The following BEND4 variants were observed in gnomAD, a reference collection of about 807,000 sequenced individuals.
BEND4 encodes BEN domain containing 4, also known as BEN domain-containing protein 4.
BEND4 carries 27 observed loss-of-function variants against 54.7 expected under a neutral mutation model. The ratio of observed to expected loss-of-function variants is 0.49; its 90% CI spans 0.36 to 0.68. The LOEUF (loss-of-function observed/expected upper bound fraction) is 0.68, where lower values mean the gene tolerates loss of function less well. Among genes scored for constraint, BEND4 ranks in the 30% least tolerant of loss-of-function variants. BEND4 has a pLI of 0.00. For missense variants in BEND4, 702 were observed against 697.2 expected (o/e 1.01, Z -0.08); for synonymous variants, 327 against 299.5 (o/e 1.09, Z -0.95).
chr4:42,125,506 T>TGGTA (rs1011423925), intron 4 of BEND4, 77 bp downstream of exon 4: 11 of 1,107,956 alleles, frequency 9.9e-6, no homozygotes, highest in Non-Finnish European at 1.5e-5. Context: ...CAGTCTGTTC[T>TGGTA]GGTATACACT....
At chr4:42,149,492 G>A (rs561340532) in intron 2 of BEND4, among the ~76,000 whole-genome samples, 8 of 152,166 alleles carry the variant, frequency 5.3e-5, no homozygotes, top group African/African-American at 1.2e-4. Flanking sequence ...GAGGGATCCA[G>A]CCCTTGGTGC....
At chr4:42,118,088 A>G (rs16854027) in intron 5 of BEND4, among the ~76,000 whole-genome samples, 10,888 of 152,252 alleles carry the variant, frequency 0.072, 970 homozygotes, top group African/African-American at 0.21. Flanking sequence ...TTACCTGCTC[A>G]CATTTTGAGA....
chr4:42,151,986 C>G lies in BEND4; in HGVS notation c.158G>C (p.Arg53Pro), dbSNP rs1721313433. The G allele has an allele frequency of 1.6e-6, 2 of 1,253,976 alleles. No individual in the cohort carries two copies. Among genetic ancestry groups the G allele is most frequent in the Non-Finnish European group, 2.0e-6 (2 of 995,032 alleles). The allele number at this position is 1,253,976 out of a possible 1,614,324, so 77.7% of individuals were successfully genotyped here. Residue 53 changes from arginine to proline, a missense_variant, in exon 2 of 6, where the codon CGG becomes CCG. Coordinates refer to ENST00000502486, the MANE Select transcript of BEND4 (RefSeq NM_207406.4). ...GGGCGGCGGGGGCGGCGGGGGCGCCCGCACGTGCGGCAGCTCCACCAGGGT... is the reference window on the plus strand; with the variant it reads ...GGGCGGCGGGGGCGGCGGGGGCGCCGGCACGTGCGGCAGCTCCACCAGGGT... The part of the protein sequence containing the change: ...RPTLVELPHV[R>P]APPPPPPPFA...
In BEND4 at chr4:42,114,636, T is replaced by A. The variant is rs1490106799; in HGVS notation, c.*2882A>T. 1 of 152,120 alleles carries A rather than the reference T, an allele frequency of 6.6e-6. No homozygotes were observed. The highest frequency in any genetic ancestry group is 1.5e-5 in the Non-Finnish European group (1 of 68,024). The allele number at this position is 152,120 out of a possible 1,614,324, so 9.4% of individuals were successfully genotyped here. A position where few individuals can be genotyped will look rare whatever the true frequency, so the allele number is the denominator to read the frequency against. ...CAAAATAATAAGCAACACCTTCAAG[T>A]CTCCAAGGATTTCAACTGAAAGGCT... On this transcript the variant is annotated 3_prime_UTR_variant, in exon 6 of 6. Coordinates refer to ENST00000502486, the MANE Select transcript of BEND4 (RefSeq NM_207406.4).
At chr4:42,150,357 A>C (rs1344141889) in intron 2 of BEND4, among the ~76,000 whole-genome samples, 3 of 125,264 alleles carry the variant, frequency 2.4e-5, no homozygotes, top group African/African-American at 1.4e-4. Context: ...CACTGAAAGC[A>C]ATCAAACATC....
At position 42,117,297 on chromosome 4, in the gene BEND4, T is replaced by C. The variant is rs756792921; in HGVS notation, c.*221A>G. 2.4e-5 allele frequency: 11 copies of C among 461,326 alleles called. No homozygotes were observed. The highest frequency in any genetic ancestry group is 4.2e-5 in the Non-Finnish European group (11 of 264,210). 28.6% of individuals were successfully genotyped at this position (461,326 alleles called of 1,614,324 possible). On this transcript the variant is annotated 3_prime_UTR_variant, in exon 6 of 6. Coordinates refer to ENST00000502486, the MANE Select transcript of BEND4 (RefSeq NM_207406.4). ...CTAGTAATCATTTAAAAATCAGATGTAGTTTTTTCTTTTTATAATATAATA... is the reference window on the plus strand; with the variant it reads ...CTAGTAATCATTTAAAAATCAGATGCAGTTTTTTCTTTTTATAATATAATA...
chr4:42,138,074 T>C (rs1025615868), intron 3 of BEND4, among the ~76,000 whole-genome samples: 5 of 152,164 alleles, frequency 3.3e-5, no homozygotes, highest in Admixed American at 3.3e-4. Flanking sequence ...CCAGCAAAAC[T>C]TCTCCTGGAC....
intron 3 of BEND4, among the ~76,000 whole-genome samples, chr4:42,127,164 A>T (rs918735107): frequency 1.2e-4 from 19 of 152,248 alleles, no homozygotes; most frequent in African/African-American, 4.6e-4. Context: ...ACAATGTAAC[A>T]TAATAAATCA....
At chr4:42,147,886 T>C (rs1721132841) in intron 2 of BEND4, among the ~76,000 whole-genome samples, 1 of 152,118 alleles carries the variant, frequency 6.6e-6, no homozygotes, top group Non-Finnish European at 1.5e-5. Context: ...CCGCCCCTCT[T>C]TGTAAGTAAA....
intron 4 of BEND4, 45 bp from the exon 5 acceptor site, chr4:42,120,339 C>G (rs372953173): frequency 1.3e-6 from 2 of 1,578,812 alleles, no homozygotes; most frequent in African/African-American, 1.4e-5. Context: ...AGCCAGCCAG[C>G]CAGAAGCAGA....
At chr4:42,150,480 T>C (rs1286540514) in intron 2 of BEND4, among the ~76,000 whole-genome samples, 1 of 152,234 alleles carries the variant, frequency 6.6e-6, no homozygotes, top group Non-Finnish European at 1.5e-5. Flanking sequence ...AACAGAATTA[T>C]TACTGGAGGC....
intron 2 of BEND4, among the ~76,000 whole-genome samples, chr4:42,145,457 G>T (rs933005317): frequency 1.3e-4 from 20 of 152,130 alleles, no homozygotes; most frequent in African/African-American, 4.6e-4. Context: ...CACTTTGGGA[G>T]GCCAAGGTGG....
intron 3 of BEND4, among the ~76,000 whole-genome samples, chr4:42,134,460 T>C (rs1313055110): frequency 6.6e-6 from 1 of 152,194 alleles, no homozygotes; most frequent in East Asian, 1.9e-4. Flanking sequence ...AGATGCATTG[T>C]TATATTTTTG....
Position 42,123,697 on chromosome 4 carries a change from A to AAAAAAAAC in BEND4, c.1146+1885_1146+1886insGTTTTTTT, listed in dbSNP as rs1553921971. On this transcript the variant is annotated intron_variant, in intron 4 of 5. Transcript: ENST00000502486. Reference sequence around the variant, plus strand: ...TTTACTTTGGATCTGTAATTCAGAAAAAAAAAAAAAAAAAAAAAAACAACT... The same window carrying AAAAAAAAC: ...TTTACTTTGGATCTGTAATTCAGAAAAAAAAAACAAAAAAAAAAAAAAAAAAAACAACT... Among the ~76,000 whole-genome samples the AAAAAAAAC allele has an allele frequency of 4.1e-3, 591 of 145,238 alleles. 8 individuals carry two copies. The highest frequency in any genetic ancestry group is 0.015 in the African/African-American group (573 of 37,102).
Position 42,151,881 on chromosome 4 carries a change from G to C in BEND4, c.263C>G (p.Pro88Arg), listed in dbSNP as rs1015497117. ...GGCGGCGGCGGCCCGGCCGGGCCCGGGGGGGTAGGAGCTCTGCGCCTGGAA... is the reference window on the plus strand; with the variant it reads ...GGCGGCGGCGGCCCGGCCGGGCCCGCGGGGGTAGGAGCTCTGCGCCTGGAA... ...QQFQAQSSYPPGPGRAAAAAS... is the reference protein window; with the variant it reads ...QQFQAQSSYPRGPGRAAAAAS... Residue 88 changes from proline (P) to arginine (R), a missense_variant, in exon 2 of 6, where the codon CCC (proline) becomes CGC (arginine). Transcript: ENST00000502486. 1.1e-5 allele frequency: 14 copies of C among 1,306,706 alleles called. No individual in the cohort carries two copies. The highest frequency in any genetic ancestry group is 6.2e-5 in the African/African-American group (4 of 64,368). 80.9% of individuals were successfully genotyped at this position (1,306,706 alleles called of 1,614,324 possible).
At chr4:42,134,290 C>T (rs1432838799) in intron 3 of BEND4, among the ~76,000 whole-genome samples, 4 of 152,220 alleles carry the variant, frequency 2.6e-5, no homozygotes, top group Admixed American at 2.6e-4. Flanking sequence ...TCCACATACA[C>T]TTTCATAGGG....
At chr4:42,118,272 T>C (rs952057522) in intron 5 of BEND4, among the ~76,000 whole-genome samples, 1 of 152,240 alleles carries the variant, frequency 6.6e-6, no homozygotes, top group Non-Finnish European at 1.5e-5. Flanking sequence ...TAGCTATACT[T>C]ATTTCTGAAA....
intron 3 of BEND4, among the ~76,000 whole-genome samples, chr4:42,128,595 G>C (rs1358581638): frequency 6.6e-6 from 1 of 151,736 alleles, no homozygotes; most frequent in Non-Finnish European, 1.5e-5. Context: ...CTGCACTCCA[G>C]CCTAGGCGAC....
chr4:42,139,116 T>C (rs1201604554), intron 3 of BEND4, among the ~76,000 whole-genome samples: 2 of 152,210 alleles, frequency 1.3e-5, no homozygotes, highest in Admixed American at 6.5e-5. Flanking sequence ...TAAAAACCTC[T>C]CATCCCTTCA....
Sources: gnomAD v4.1 joint callset for allele counts (sites outside exome capture counted in the v4.1 genomes callset) on GRCh38, gnomAD v4.1.1 for gene constraint, MANE v1.5 for transcripts, NCBI Gene and HGNC (gene_info 2026-07-23, HGNC 2026-07-21) for gene names.